UBE3B: variants seen among roughly 807,000 people sequenced by gnomAD.
The protein encoded by UBE3B is ubiquitin protein ligase E3B.
In UBE3B, 80 loss-of-function variants were observed where a neutral mutation model predicts 132.3. The ratio of observed to expected loss-of-function variants is 0.60; its 90% confidence interval spans 0.50 to 0.73. The LOEUF is 0.73. UBE3B is among the 30% of genes least tolerant of loss of function. The pLI, the probability that UBE3B is intolerant of heterozygous loss-of-function variation, is 0.00. For synonymous variants in UBE3B, 487 were observed against 520.4 expected, an observed-to-expected ratio of 0.94 and a Z score of 0.87; for missense variants, 1,196 against 1,362.5, an observed-to-expected ratio of 0.88 and a Z score of 1.92.
In UBE3B at chr12:109,509,685, T is replaced by G. The variant is rs1880117754; in HGVS notation, c.1712T>G (p.Val571Gly). 6.2e-7 allele frequency: 1 copy of G among 1,609,134 alleles called. No homozygotes were observed. The highest frequency in any genetic ancestry group is 8.5e-7 in the Non-Finnish European group (1 of 1,178,774). ...VTISSFLNSF[V>G]FKMIWDGIVE... is the part of the protein sequence containing the mutation. ...ATCTCCTCTTTCCTGAATTCTTTTG[T>G]GTTTAAGATGATCTGGGATGGAATT... Residue 571 changes from valine (V) to glycine (G), a missense_variant, in exon 16 of 28, where the codon GTG (valine) becomes GGG (glycine). Transcript: ENST00000342494.
rs1878976199 is a variant in UBE3B at position 109,501,435 on chromosome 12, C to T, written c.1183C>T (p.Arg395Trp). The T allele has an allele frequency of 1.1e-5, 17 of 1,614,140 alleles. No homozygotes were observed. The highest frequency in any genetic ancestry group is 3.3e-5 in the South Asian group (3 of 91,084). The stretch of plus-strand genomic sequence containing the variant: ...GTTCTTGTGGGGGGTGCCTCTGATC[C>T]GGATCTTCTTCTGTGACATCCTGAG... ...LQFLWGVPLI[R>W]IFFCDILSKK... The change falls in exon 13 of 28, where the codon CGG (arginine) becomes TGG (tryptophan). Residue 395 changes from arginine to tryptophan, a missense_variant. By Grantham distance (101) the Arg-to-Trp change is moderately radical. Coordinates refer to ENST00000342494, the MANE Select transcript of UBE3B (RefSeq NM_130466.4).
intron 15 of UBE3B, 158 bp from the exon 16 acceptor site, chr12:109,509,438 T>C: frequency 1.9e-6 from 1 of 533,990 alleles, no homozygotes. Context: ...CTACCCCTGA[T>C]GATATCATAT....
Position 109,495,318 on chromosome 12 carries a change from T to C in UBE3B, c.714-2500T>C, listed in dbSNP as rs570251728. Among the ~76,000 whole-genome samples the C allele has an allele frequency of 8.5e-5, 13 of 152,366 alleles. 1 individual carries two copies. In the East Asian group the frequency reaches 1.9e-3, roughly 23 times the overall value. ...CATTAGCTAGAAGAAACCTTTTTTT[T>C]CCCCTCTGTAAGTTGTTCTCATACC... On this transcript the variant is annotated intron_variant, in intron 9 of 27. Transcript: ENST00000342494.
chr12:109,495,720 C>T (rs574525798), intron 9 of UBE3B, among the ~76,000 whole-genome samples: 5 of 152,246 alleles, frequency 3.3e-5, no homozygotes, highest in South Asian at 2.1e-4. Flanking sequence ...AGGGATGGGC[C>T]GAAATAAAGG....
chr12:109,490,116 T>G, intron 8 of UBE3B, 112 bp downstream of exon 8: 1 of 1,103,482 alleles, frequency 9.1e-7, no homozygotes. Context: ...ACACTTTTCA[T>G]AGGAAGAGCT....
downstream of UBE3B, among the ~76,000 whole-genome samples, chr12:109,540,536 T>G (rs7975756): frequency 0.23 from 34,817 of 152,196 alleles, 4,232 homozygotes; most frequent in Middle Eastern, 0.28. Context: ...GGGTTACCAG[T>G]CAGGCTGCCT....
rs1407069513 is a variant in UBE3B at position 109,486,062 on chromosome 12, T to C, written c.333T>C (p.Asn111=). Residue 111 remains asparagine (N), a synonymous_variant, in exon 5 of 28, where the codon AAT becomes AAC. Coordinates refer to ENST00000342494, the MANE Select transcript of UBE3B (RefSeq NM_130466.4). ...TCCTGAGCAGCATGGATGCTGAGAA[T>C]GAGCCTAAGGTAAGTGGACGGGAGC... ...RSILSSMDAE[N]EPKVWYVSLA... is the part of the protein sequence containing the mutation. The C allele has an allele frequency of 5.1e-6, 8 of 1,557,216 alleles. No homozygotes were observed. Among genetic ancestry groups the C allele is most frequent in the Non-Finnish European group, 7.0e-6 (8 of 1,149,846 alleles).
the UBE3B span, among the ~76,000 whole-genome samples, chr12:109,547,783 G>T: frequency 6.6e-6 from 1 of 151,842 alleles, no homozygotes; most frequent in Non-Finnish European, 1.5e-5. This position sits in a 1 kb window ranked among gnomAD's most constrained non-coding sequence, Gnocchi z 4.1. Context: ...CACGGTGCGC[G>T]TGCTCCCTTA....
At chr12:109,495,814 C>CT (rs1878126261) in intron 9 of UBE3B, among the ~76,000 whole-genome samples, 1 of 152,208 alleles carries the variant, frequency 6.6e-6, no homozygotes, top group African/African-American at 2.4e-5. Flanking sequence ...TTTAAGAACG[C>CT]CTTTAAGCAG....
chr12:109,497,729 C>T, intron 9 of UBE3B, 89 bp from the exon 10 acceptor site: 1 of 1,307,640 alleles, frequency 7.6e-7, no homozygotes, highest in Non-Finnish European at 1.1e-6. Context: ...AGAATAATTT[C>T]TAGGAATTTG....
chr12:109,534,375 CTG>C lies in UBE3B; in HGVS notation c.3016-213_3016-212del. The C allele has an allele frequency of 1.4e-6, 2 of 1,414,558 alleles. No homozygotes were observed. The highest frequency in any genetic ancestry group is 9.2e-7 in the Non-Finnish European group (1 of 1,090,756). The allele number at this position is 1,414,558 out of a possible 1,614,324, so 87.6% of individuals were successfully genotyped here. On this transcript the variant is annotated intron_variant, in intron 27 of 27. Transcript: ENST00000342494. The surrounding 1 kb of genome is among the most constrained non-coding windows in gnomAD (Gnocchi z 5.2). ...AAAGCTTACTTAGTGCAGGAATTCT[CTG>C]TGCAGGCCCCAGGGAGAAGGGGTTC...
intron 11 of UBE3B, among the ~76,000 whole-genome samples, chr12:109,498,804 A>G (rs562726995): frequency 4.6e-5 from 7 of 151,808 alleles, no homozygotes; most frequent in African/African-American, 1.7e-4. Context: ...GCCTAAATTT[A>G]TTTTAGATAG....
At chr12:109,519,925 G>A (rs1835714462) in intron 19 of UBE3B, 1 of 152,168 alleles carries the variant, frequency 6.6e-6, no homozygotes, top group Non-Finnish European at 1.5e-5. Flanking sequence ...GGATCACTGG[G>A]TGAACATGGC....
intron 26 of UBE3B, among the ~76,000 whole-genome samples, 179 bp downstream of exon 26, chr12:109,530,837 G>A (rs544383594): frequency 4.0e-4 from 61 of 152,316 alleles, no homozygotes; most frequent in African/African-American, 1.4e-3. Context: ...AGGGGCTTGA[G>A]GGGCACGGCC....
intron 6 of UBE3B, among the ~76,000 whole-genome samples, chr12:109,487,231 G>A (rs1245946002): frequency 2.0e-5 from 3 of 152,156 alleles, no homozygotes; most frequent in Admixed American, 1.3e-4. Flanking sequence ...GAGGAATGGG[G>A]TACTGCCACT....
chr12:109,529,480 T>C (rs1334652655), intron 24 of UBE3B, among the ~76,000 whole-genome samples: 1 of 152,232 alleles, frequency 6.6e-6, no homozygotes, highest in Non-Finnish European at 1.5e-5. Context: ...TTAAAACTTA[T>C]TAGAGGACTG....
At chr12:109,486,200 T>C in intron 5 of UBE3B, 129 bp downstream of exon 5, 1 of 986,028 alleles carries the variant, frequency 1.0e-6, no homozygotes, top group South Asian at 1.6e-5. Flanking sequence ...TGGAAAACAT[T>C]ACCAAAGTAC....
chr12:109,503,096 C>A lies in UBE3B; in HGVS notation c.1356C>A (p.Val452=), dbSNP rs546561926. ...TCAGGCCTGTCGGGGGTAAACGGGT[C>A]GACTCTGCAGAAGTCCAGAAGGTTT... is the stretch of plus-strand genomic sequence containing the variant. ...NILRPVGGKR[V]DSAEVQKVCN... The change falls in exon 14 of 28, where the codon GTC becomes GTA. Residue 452 remains valine (V), a synonymous_variant. Coordinates refer to ENST00000342494, the MANE Select transcript of UBE3B (RefSeq NM_130466.4). 2 of 1,614,190 alleles carry A rather than the reference C, an allele frequency of 1.2e-6. No individual in the cohort carries two copies. The highest frequency in any genetic ancestry group is 3.3e-5 in the Admixed American group (2 of 60,028).
Position 109,486,553 on chromosome 12 carries a change from G to A in UBE3B, c.425G>A (p.Cys142Tyr). ...QQIKNILWYC[C>Y]DFLKQLKPEI... ...ATCAAGAACATTTTGTGGTACTGCT[G>A]TGATTTTCTCAAGCAGCTCAAGGTA... Residue 142 changes from cysteine to tyrosine, a missense_variant, in exon 6 of 28, where the codon TGT (cysteine) becomes TAT (tyrosine). Transcript: ENST00000342494. 2.9e-6 allele frequency: 3 copies of A among 1,034,996 alleles called. No homozygotes were observed. The highest frequency in any genetic ancestry group is 4.2e-6 in the Non-Finnish European group (3 of 716,584). The allele number at this position is 1,034,996 out of a possible 1,614,324, so 64.1% of individuals were successfully genotyped here. A position where few individuals can be genotyped will look rare whatever the true frequency, so the allele number is the denominator to read the frequency against.
Sources: gnomAD v4.1 joint callset for allele counts (sites outside exome capture counted in the v4.1 genomes callset) on GRCh38, gnomAD v4.1.1 for gene constraint, Gnocchi (gnomAD v3.1) non-coding constraint, MANE v1.5 for transcripts, NCBI Gene and HGNC (gene_info 2026-07-23, HGNC 2026-07-21) for gene names.